ANK3: variants seen among roughly 807,000 people sequenced by gnomAD.
ANK3 encodes the protein ankyrin-3.
In ANK3, 57 loss-of-function variants were observed where a neutral mutation model predicts 370.9. That is an observed-to-expected ratio of 0.15 (90% CI 0.12 to 0.19). The LOEUF is 0.19. Ranked by LOEUF, ANK3 falls within the 10% of genes least tolerant of loss-of-function variation. ANK3 has a pLI of 1.00. For synonymous variants in ANK3, 1,929 were observed against 1,946.3 expected (o/e 0.99, Z 0.23); for missense variants, 4,439 against 5,302.1 (o/e 0.84, Z 5.06).
intron 1 of ANK3, among the ~76,000 whole-genome samples, chr10:60,363,608 C>T (rs1201965650): frequency 2.0e-5 from 3 of 152,226 alleles, no homozygotes; most frequent in Non-Finnish European, 4.4e-5. Context: ...ACTTCTCCGA[C>T]TGTGATGGCC....
chr10:60,283,062 CAA>C (rs1258560675), intron 1 of ANK3, among the ~76,000 whole-genome samples: 3 of 152,112 alleles, frequency 2.0e-5, no homozygotes, highest in Non-Finnish European at 4.4e-5. Context: ...ATTGGTGGAA[CAA>C]AATAAATGTG....
intron 5 of ANK3, among the ~76,000 whole-genome samples, chr10:60,266,537 A>G (rs2097882642): frequency 6.6e-6 from 1 of 152,180 alleles, no homozygotes; most frequent in Non-Finnish European, 1.5e-5. Flanking sequence ...CTGCTCTGAA[A>G]CCAAACAAAA....
At chr10:60,111,906 A>C (rs1299804015) in intron 26 of ANK3, 1 of 393,966 alleles carries the variant, frequency 2.5e-6, no homozygotes, top group Non-Finnish European at 4.9e-6. Flanking sequence ...TTTGTGGGAC[A>C]ACCTAGAAAA....
At chr10:60,364,305 A>G (rs77359008) in intron 1 of ANK3, among the ~76,000 whole-genome samples, 1 of 151,884 alleles carries the variant, frequency 6.6e-6, no homozygotes, top group African/African-American at 2.4e-5. Context: ...AAAAAAAAAA[A>G]AGAGAAAATG....
intron 2 of ANK3, among the ~76,000 whole-genome samples, chr10:60,447,558 G>GA (rs536821395): frequency 1.3e-5 from 2 of 151,964 alleles, no homozygotes; most frequent in Non-Finnish European, 2.9e-5. Context: ...ATGTGGGGGG[G>GA]AAAAAAAGCA....
At chr10:60,268,582 C>A (rs1178676585) in intron 5 of ANK3, among the ~76,000 whole-genome samples, 2 of 151,892 alleles carry the variant, frequency 1.3e-5, no homozygotes, top group Non-Finnish European at 2.9e-5. Context: ...ATTGTGTTGA[C>A]AAACATCCTT....
At chr10:60,359,075 C>A (rs2058220688) in intron 1 of ANK3, among the ~76,000 whole-genome samples, 1 of 152,102 alleles carries the variant, frequency 6.6e-6, no homozygotes, top group Non-Finnish European at 1.5e-5. Flanking sequence ...GCTATAAGCC[C>A]TATTCTTGCA....
chr10:60,221,941 T>G (rs2097066578), intron 8 of ANK3, among the ~76,000 whole-genome samples: 1 of 152,240 alleles, frequency 6.6e-6, no homozygotes, highest in African/African-American at 2.4e-5. Flanking sequence ...TATTATATTC[T>G]TTAGCCATTG....
chr10:60,425,006 A>G (rs186685439), intron 2 of ANK3, among the ~76,000 whole-genome samples: 1 of 152,206 alleles, frequency 6.6e-6, no homozygotes, highest in African/African-American at 2.4e-5. Flanking sequence ...ATGCACAGAA[A>G]GGAAGACACA....
At chr10:60,569,135 A>T (rs763417015) in intron 2 of ANK3, among the ~76,000 whole-genome samples, 28 of 152,172 alleles carry the variant, frequency 1.8e-4, no homozygotes, top group Admixed American at 5.2e-4. Flanking sequence ...TATTCTTGGC[A>T]GCTGGTTAAA....
intron 27 of ANK3, among the ~76,000 whole-genome samples, chr10:60,107,581 A>C (rs528204826): frequency 6.6e-6 from 1 of 152,346 alleles, no homozygotes; most frequent in Admixed American, 6.5e-5. Context: ...AAACCAAACG[A>C]AACAATTTTA....
intron 2 of ANK3, among the ~76,000 whole-genome samples, chr10:60,598,147 G>C (rs1283973814): frequency 1.3e-5 from 2 of 152,078 alleles, no homozygotes; most frequent in Non-Finnish European, 2.9e-5. Context: ...GGGGATCCAG[G>C]AACATCTGTT....
At chr10:60,584,719 A>G (rs2077807060) in intron 2 of ANK3, among the ~76,000 whole-genome samples, 1 of 152,190 alleles carries the variant, frequency 6.6e-6, no homozygotes. Context: ...TTCCTGAGAC[A>G]TTTCTACTGA....
chr10:60,139,236 T>G lies in ANK3; in HGVS notation c.2615-149A>C, dbSNP rs183407362. ...CCTGGATAATTTTTGAAACTCTCAT[T>G]TAGAAGGAAAAGGTATAGGTAAAGG... On this transcript the variant is annotated intron_variant, in intron 23 of 43. Coordinates refer to ENST00000280772, the MANE Select transcript of ANK3 (RefSeq NM_020987.5). The G allele has an allele frequency of 1.3e-5, 12 of 945,576 alleles. No homozygotes were observed. In the Admixed American group the frequency reaches 3.1e-4, roughly 24 times the overall value. The allele number at this position is 945,576 out of a possible 1,614,324, so 58.6% of individuals were successfully genotyped here.
At chr10:60,690,945 G>C (rs765456331) in intron 1 of ANK3, among the ~76,000 whole-genome samples, 29 of 152,166 alleles carry the variant, frequency 1.9e-4, no homozygotes, top group Non-Finnish European at 3.5e-4. Context: ...CAACCTGTAG[G>C]TTAAATCTGC....
chr10:60,234,178 C>T (rs947400408), intron 8 of ANK3, among the ~76,000 whole-genome samples: 2 of 152,174 alleles, frequency 1.3e-5, no homozygotes, highest in African/African-American at 4.8e-5. Context: ...TTGCCTATTG[C>T]TGCTATGAAC....
chr10:60,637,343 G>C (rs1425623240), intron 1 of ANK3, among the ~76,000 whole-genome samples: 1 of 152,154 alleles, frequency 6.6e-6, no homozygotes, highest in Non-Finnish European at 1.5e-5. Flanking sequence ...AATGGACGTT[G>C]CATAGCAATT....
chr10:60,135,447 T>C lies in ANK3; in HGVS notation c.2739-1074A>G, dbSNP rs374854560. 1.4e-4 allele frequency among the ~76,000 whole-genome samples: 21 copies of C among 152,364 alleles called. No homozygotes were observed. In the South Asian group the frequency reaches 3.5e-3, roughly 26 times the overall value. ...AAAACCATTTAGCTGAAGTCTAGAATTGGCTCCTCGGCAATGGGGTATCCC... is the reference window on the plus strand; with the variant it reads ...AAAACCATTTAGCTGAAGTCTAGAACTGGCTCCTCGGCAATGGGGTATCCC... On this transcript the variant is annotated intron_variant, in intron 24 of 43. Coordinates refer to ENST00000280772, the MANE Select transcript of ANK3 (RefSeq NM_020987.5).
chr10:60,422,833 G>A (rs1362125025), intron 2 of ANK3, among the ~76,000 whole-genome samples: 1 of 152,060 alleles, frequency 6.6e-6, no homozygotes. Flanking sequence ...GCTCATGTGG[G>A]AGTGATTTTC....
Sources: allele counts gnomAD v4.1 joint callset (sites outside exome capture counted in the v4.1 genomes callset), GRCh38; gene constraint gnomAD v4.1.1; transcripts MANE v1.5; gene names NCBI Gene and HGNC (gene_info 2026-07-23, HGNC 2026-07-21).